The following AATF variants were observed in gnomAD, a reference collection of about 807,000 sequenced individuals.
AATF encodes apoptosis antagonizing transcription factor.
AATF carries 48 observed loss-of-function variants against 63.7 expected under a neutral mutation model. The ratio of observed to expected loss-of-function variants is 0.75; its 90% CI spans 0.60 to 0.96. The LOEUF is 0.96. Among genes scored for constraint, AATF ranks in the 40% least tolerant of loss-of-function variants. The pLI is 0.00. For synonymous variants in AATF, 258 were observed against 247.7 expected, an observed-to-expected ratio of 1.04 and a Z score of -0.39; for missense variants, 639 against 685.7, an observed-to-expected ratio of 0.93 and a Z score of 0.76.
intron 8 of AATF, among the ~76,000 whole-genome samples, chr17:37,006,047 A>C (rs903000669): frequency 6.6e-6 from 1 of 152,174 alleles, no homozygotes; most frequent in African/African-American, 2.4e-5. Context: ...AGGTAGGAAG[A>C]TCACTTGAGC....
At chr17:36,957,173 G>C (rs571063415) in intron 4 of AATF, among the ~76,000 whole-genome samples, 2 of 152,090 alleles carry the variant, frequency 1.3e-5, no homozygotes, top group African/African-American at 4.8e-5. Context: ...AAGTCAGACC[G>C]GCTTGGTTTA....
chr17:36,985,034 T>C (rs549582621), intron 4 of AATF, among the ~76,000 whole-genome samples: 355 of 151,958 alleles, frequency 2.3e-3, no homozygotes, highest in African/African-American at 7.9e-3. Context: ...CCTGAGTAGC[T>C]GGGATTACAG....
rs3760437 is a variant in AATF, at chr17:36,986,487, C to T, written c.833-130C>T. The stretch of plus-strand genomic sequence containing the variant: ...GAATATTTCAGAGAGTATTTAGTTC[C>T]TGTGTGTATCCTGTGCCTCCCCTTC... On this transcript the variant is annotated intron_variant, in intron 4 of 11. Transcript: ENST00000619387. The T allele has an allele frequency of 1.0e-4, 71 of 677,240 alleles. No individual in the cohort carries two copies. The East Asian group carries it at 1.7e-3, about 16-fold the overall frequency. The allele number at this position is 677,240 out of a possible 1,614,324, so 42.0% of individuals were successfully genotyped here.
At chr17:36,950,474 TC>T in intron 2 of AATF, 69 bp downstream of exon 2, 2 of 1,430,490 alleles carry the variant, frequency 1.4e-6, no homozygotes, top group Non-Finnish European at 1.9e-6. Flanking sequence ...CCTCCGGTCA[TC>T]CCCCATGATC....
intron 4 of AATF, among the ~76,000 whole-genome samples, chr17:36,979,663 G>A (rs141796046): frequency 6.6e-6 from 1 of 152,234 alleles, no homozygotes; most frequent in African/African-American, 2.4e-5. Flanking sequence ...AAAAACAACT[G>A]TATAGATATT....
At chr17:37,035,344 G>A (rs558411758) in intron 11 of AATF, among the ~76,000 whole-genome samples, 8 of 147,032 alleles carry the variant, frequency 5.4e-5, no homozygotes, top group African/African-American at 7.5e-5. Context: ...TCAGCCTCCC[G>A]AGTAGCTGGG....
intron 7 of AATF, 47 bp downstream of exon 7, chr17:36,989,458 A>C (rs2142249636): frequency 1.3e-6 from 2 of 1,514,824 alleles, no homozygotes; most frequent in South Asian, 1.3e-5. Flanking sequence ...AGTTTCTATG[A>C]GGCTTATTAG....
At chr17:37,009,980 T>C (rs939283926) in intron 8 of AATF, among the ~76,000 whole-genome samples, 2 of 152,132 alleles carry the variant, frequency 1.3e-5, no homozygotes, top group African/African-American at 4.8e-5. Context: ...GACAAAGATA[T>C]GTTCAAAAAC....
intron 11 of AATF, among the ~76,000 whole-genome samples, chr17:37,037,313 C>A (rs2071601617): frequency 6.6e-6 from 1 of 152,168 alleles, no homozygotes; most frequent in African/African-American, 2.4e-5. Context: ...CCATACCTGG[C>A]TGACAGCGTC....
chr17:36,963,088 C>T (rs1455760676), intron 4 of AATF, among the ~76,000 whole-genome samples: 3 of 152,176 alleles, frequency 2.0e-5, no homozygotes, highest in Non-Finnish European at 4.4e-5. Flanking sequence ...CATTGCACTC[C>T]AGCCTGACAA....
chr17:37,008,903 A>G (rs2071361668), intron 8 of AATF, among the ~76,000 whole-genome samples: 2 of 152,196 alleles, frequency 1.3e-5, no homozygotes, highest in African/African-American at 4.8e-5. Flanking sequence ...CAAAGATGTC[A>G]AGACATCTGT....
chr17:37,056,255 T>G, intron 11 of AATF: 2 of 226,704 alleles, frequency 8.8e-6, no homozygotes, highest in Non-Finnish European at 1.7e-5. Context: ...CTACATCCCA[T>G]GTCTGATTGA....
chr17:37,046,986 C>G lies in AATF; in HGVS notation c.1620-9615C>G, dbSNP rs114554731. On this transcript the variant is annotated intron_variant, in intron 11 of 11. Transcript: ENST00000619387. The stretch of plus-strand genomic sequence containing the variant: ...AGCAGTCACAAAACCGTAAACACAA[C>G]ACTGGCCAACTCTATTGCGGGGACC... Among the ~76,000 whole-genome samples the G allele has an allele frequency of 3.7e-3, 571 of 152,288 alleles. 3 individuals are homozygous for G. Among genetic ancestry groups the G allele is most frequent in the African/African-American group, 0.013 (552 of 41,558 alleles).
intron 4 of AATF, among the ~76,000 whole-genome samples, chr17:36,985,380 C>T (rs28453117): frequency 6.6e-6 from 1 of 151,874 alleles, no homozygotes; most frequent in East Asian, 1.9e-4. Flanking sequence ...GCCATCCTCC[C>T]ACCTCAGGGC....
At chr17:37,043,758 G>T (rs1331004170) in intron 11 of AATF, among the ~76,000 whole-genome samples, 6 of 152,112 alleles carry the variant, frequency 3.9e-5, no homozygotes. Flanking sequence ...AGCACCTTAT[G>T]CCCTCGCTCG....
At chr17:36,969,411 C>T (rs894438994) in intron 4 of AATF, among the ~76,000 whole-genome samples, 1 of 152,178 alleles carries the variant, frequency 6.6e-6, no homozygotes, top group African/African-American at 2.4e-5. Context: ...TAGCTCTCTT[C>T]AAGGATAAAC....
rs148874225 is a variant in AATF, at chr17:36,956,479, C to T, written c.832+2572C>T. 3.4e-4 allele frequency among the ~76,000 whole-genome samples: 52 copies of T among 152,180 alleles called. 3 individuals are homozygous for T. In the East Asian group the frequency reaches 9.5e-3, roughly 28 times the overall value. On this transcript the variant is annotated intron_variant, in intron 4 of 11. Coordinates refer to ENST00000619387, the MANE Select transcript of AATF (RefSeq NM_012138.4). ...CCTGAGGTCAGAAGTTTGAGCCCAG[C>T]CTGGCCAATGTGGTGAAACCCCGTC...
chr17:37,048,732 G>A (rs1434831584), intron 11 of AATF, among the ~76,000 whole-genome samples: 2 of 152,264 alleles, frequency 1.3e-5, no homozygotes, highest in African/African-American at 4.8e-5. Flanking sequence ...GACATACATA[G>A]GGCTGCCCCT....
At chr17:37,034,790 A>G (rs893221093) in intron 11 of AATF, 5 of 152,284 alleles carry the variant, frequency 3.3e-5, no homozygotes, top group African/African-American at 1.2e-4. Flanking sequence ...GAATATCCCA[A>G]TAACAATAAT....
Sources: allele counts gnomAD v4.1 joint callset (sites outside exome capture counted in the v4.1 genomes callset), GRCh38; gene constraint gnomAD v4.1.1; transcripts MANE v1.5; gene names NCBI Gene and HGNC (gene_info 2026-07-23, HGNC 2026-07-21).